LYRM9: variants seen among roughly 807,000 people sequenced by gnomAD.
LYRM9 encodes the protein LYR motif containing 9.
LYRM9 carries 14 observed loss-of-function variants against 12.6 expected under a neutral mutation model. The ratio of observed to expected loss-of-function variants is 1.11; its 90% CI spans 0.73 to 1.73. The LOEUF (loss-of-function observed/expected upper bound fraction) is 1.73, where lower values mean the gene tolerates loss of function less well. LYRM9 is among the 40% of genes most tolerant of loss of function. The probability of loss-of-function intolerance (pLI) is 0.00; values close to 1 mark genes in which losing one functional copy is unlikely to be tolerated. For missense variants in LYRM9, 94 were observed against 95.0 expected, an observed-to-expected ratio of 0.99 and a Z score of 0.04; for synonymous variants, 42 against 35.1, an observed-to-expected ratio of 1.20 and a Z score of -0.69.
rs984186962 is a variant in LYRM9 at position 27,880,376 on chromosome 17, TA to T, written c.127-11del. 1 of 1,591,718 alleles carries T rather than the reference TA, an allele frequency of 6.3e-7. No individual in the cohort carries two copies. The highest frequency in any genetic ancestry group is 1.3e-5 in the African/African-American group (1 of 74,612). On this transcript the variant is annotated splice_polypyrimidine_tract_variant and intron_variant, in intron 2 of 3. Coordinates refer to ENST00000379102, the MANE Select transcript of LYRM9 (RefSeq NM_001076680.3). ...AATGAACCCGAAAACTCTGCAAGTTTAAGCATAAAGAAAGATGACTAGGCAA... is the reference window on the plus strand; with the variant it reads ...AATGAACCCGAAAACTCTGCAAGTTTAGCATAAAGAAAGATGACTAGGCAA...
rs1904920920 is a variant in LYRM9 at position 27,878,492 on chromosome 17, G to A, written c.*981C>T. On this transcript the variant is annotated 3_prime_UTR_variant, in exon 4 of 4. Coordinates refer to ENST00000379102, the MANE Select transcript of LYRM9 (RefSeq NM_001076680.3). ...TTCATCCCTGTGGCTGAGTGCCCTT[G>A]GGGAATACTCAGATCCCAGTGGGGC... 6.6e-6 allele frequency: 1 copy of A among 152,194 alleles called. No homozygotes were observed. The highest frequency in any genetic ancestry group is 6.5e-5 in the Admixed American group (1 of 15,280). The allele number at this position is 152,194 out of a possible 1,614,324, so 9.4% of individuals were successfully genotyped here.
intron 1 of LYRM9, chr17:27,883,099 CCA>C (rs1205558901): frequency 8.6e-6 from 4 of 464,096 alleles, no homozygotes; most frequent in African/African-American, 6.0e-5. Context: ...GGGCACCAAG[CCA>C]CAGAGGGGAG....
At chr17:27,884,923 G>C (rs1410855463) in intron 1 of LYRM9, among the ~76,000 whole-genome samples, 1 of 152,018 alleles carries the variant, frequency 6.6e-6, no homozygotes, top group African/African-American at 2.4e-5. Context: ...TTAGGAAGTA[G>C]CTGGTTCCAG....
chr17:27,881,757 C>T (rs1191411684), intron 2 of LYRM9, among the ~76,000 whole-genome samples: 5 of 152,122 alleles, frequency 3.3e-5, no homozygotes, highest in African/African-American at 1.2e-4. Context: ...AACATTGATA[C>T]AACTCTATAA....
Position 27,886,759 on chromosome 17 carries a change from C to T in LYRM9, c.-18-4047G>A, listed in dbSNP as rs892661664. ...CTCCTGGGTTTAAGCAATTCTCCTG[C>T]CTCAGCCTCCTGAGTAGCTGGGATT... On this transcript the variant is annotated intron_variant, in intron 1 of 3. Transcript: ENST00000379102. This position sits in a 1 kb window ranked among gnomAD's most constrained non-coding sequence, Gnocchi z 4.8. Among the ~76,000 whole-genome samples, 3 of 151,998 alleles carry T rather than the reference C, an allele frequency of 2.0e-5. No individual in the cohort carries two copies. The highest frequency in any genetic ancestry group is 4.4e-5 in the Non-Finnish European group (3 of 68,000).
intron 2 of LYRM9, among the ~76,000 whole-genome samples, chr17:27,881,552 C>G (rs1337361837): frequency 6.6e-6 from 1 of 152,092 alleles, no homozygotes; most frequent in East Asian, 1.9e-4. Context: ...GAATTTCCTA[C>G]CAGAATCACT....
At chr17:27,890,149 C>G (rs1043665926) in intron 1 of LYRM9, among the ~76,000 whole-genome samples, 1 of 152,152 alleles carries the variant, frequency 6.6e-6, no homozygotes, top group South Asian at 2.1e-4. Flanking sequence ...AAAGACTATG[C>G]CCTTATCTGC....
At chr17:27,890,584 A>T (rs1468093323) in intron 1 of LYRM9, among the ~76,000 whole-genome samples, 2 of 152,246 alleles carry the variant, frequency 1.3e-5, no homozygotes, top group East Asian at 3.8e-4. Context: ...TCACTGGCAC[A>T]GATGTTGAGA....
At chr17:27,883,835 TAAAAAAAAA>T (rs781375467) in intron 1 of LYRM9, among the ~76,000 whole-genome samples, 11 of 24,576 alleles carry the variant, frequency 4.5e-4, no homozygotes, top group East Asian at 1.7e-3. Context: ...AGCCTTTTTC[TAAAAAAAAA>T]AAAAAAAAAA....
At chr17:27,889,153 C>A (rs1274801703) in intron 1 of LYRM9, among the ~76,000 whole-genome samples, 2 of 152,148 alleles carry the variant, frequency 1.3e-5, no homozygotes, top group East Asian at 3.9e-4. Context: ...ACAGTTTGGC[C>A]ATGCTCTGAC....
chr17:27,879,736 G>T, intron 3 of LYRM9: 1 of 549,188 alleles, frequency 1.8e-6, no homozygotes, highest in South Asian at 2.3e-5. Context: ...ACTCACTCTG[G>T]AGAGTGAGTT....
intron 1 of LYRM9, among the ~76,000 whole-genome samples, chr17:27,887,718 GT>G (rs1567665228): frequency 6.3e-4 from 20 of 31,696 alleles, no homozygotes; most frequent in African/African-American, 1.7e-3. Context: ...GGGAGGGTGT[GT>G]GTGTGTGTGT....
chr17:27,885,437 G>T (rs574705559), intron 1 of LYRM9, among the ~76,000 whole-genome samples: 1 of 152,272 alleles, frequency 6.6e-6, no homozygotes, highest in South Asian at 2.1e-4. Context: ...TGGGCCAGGG[G>T]TGATGGCTCA....
At chr17:27,883,241 T>C in intron 1 of LYRM9, 1 of 278,764 alleles carries the variant, frequency 3.6e-6, no homozygotes, top group Non-Finnish European at 7.2e-6. Flanking sequence ...AACCTGCATT[T>C]TAACAAGGAT....
chr17:27,883,608 C>T (rs907908846), intron 1 of LYRM9, among the ~76,000 whole-genome samples: 14 of 148,806 alleles, frequency 9.4e-5, no homozygotes, highest in East Asian at 5.9e-4. Context: ...CAAGATAGTA[C>T]GACTGCACTC....
intron 1 of LYRM9, among the ~76,000 whole-genome samples, chr17:27,885,938 A>T (rs1905218609): frequency 6.6e-6 from 1 of 152,056 alleles, no homozygotes; most frequent in Admixed American, 6.6e-5. Flanking sequence ...GTCGGACAGG[A>T]CAGGGCTTCT....
rs756964834 is a variant in LYRM9, at chr17:27,880,313, A to T, written c.180T>A (p.Ile60=). ...EDNPERIQQI[I]KRAIEDADWI... ...AGTCAGCATCTTCAATGGCTCTTTT[A>T]ATAATCTGCTGGATTCTCTCAGGGT... Residue 60 remains isoleucine, a synonymous_variant, in exon 3 of 4, where the codon ATT becomes ATA. Transcript: ENST00000379102. 4 of 1,610,690 alleles carry T rather than the reference A, an allele frequency of 2.5e-6. No individual in the cohort carries two copies. Among genetic ancestry groups the T allele is most frequent in the Admixed American group, 3.4e-5 (2 of 59,606 alleles).
intron 1 of LYRM9, among the ~76,000 whole-genome samples, chr17:27,891,030 C>T (rs2142601401): frequency 6.6e-6 from 1 of 152,010 alleles, no homozygotes; most frequent in Non-Finnish European, 1.5e-5. Context: ...AGCTTTGTAC[C>T]CATACCTGGC....
chr17:27,889,567 T>A (rs1407974682), intron 1 of LYRM9, among the ~76,000 whole-genome samples: 7 of 152,102 alleles, frequency 4.6e-5, no homozygotes, highest in Non-Finnish European at 1.0e-4. Flanking sequence ...CCTCCCAAAG[T>A]GCTGTGATTA....
Sources: allele counts gnomAD v4.1 joint callset (sites outside exome capture counted in the v4.1 genomes callset), GRCh38; gene constraint gnomAD v4.1.1; non-coding constraint Gnocchi (gnomAD v3.1); transcripts MANE v1.5; gene names NCBI Gene and HGNC (gene_info 2026-07-23, HGNC 2026-07-21).